Variants in FAM171B observed in about 807,000 individuals in gnomAD.
The protein encoded by FAM171B is protein FAM171B.
In FAM171B, 19 loss-of-function variants were observed where a neutral mutation model predicts 75.6. That is an observed-to-expected ratio of 0.25 (90% CI 0.18 to 0.37). FAM171B has a LOEUF of 0.37. Among genes scored for constraint, FAM171B ranks in the 10% least tolerant of loss-of-function variants. The pLI is 1.00. For synonymous variants in FAM171B, 367 were observed against 361.7 expected (o/e 1.01, Z -0.17); for missense variants, 848 against 982.4 (o/e 0.86, Z 1.83).
chr2:186,739,434 C>A (rs1441858082), intron 1 of FAM171B, among the ~76,000 whole-genome samples: 2 of 152,074 alleles, frequency 1.3e-5, no homozygotes, highest in African/African-American at 4.8e-5. Flanking sequence ...TACAACTGTA[C>A]AAATTTTTTT....
chr2:186,732,596 A>G (rs1333532328), intron 1 of FAM171B, among the ~76,000 whole-genome samples: 1 of 152,244 alleles, frequency 6.6e-6, no homozygotes, highest in African/African-American at 2.4e-5. Context: ...TCAAGCAGGC[A>G]ACTTGAGATT....
At chr2:186,727,907 T>C (rs1320380520) in intron 1 of FAM171B, among the ~76,000 whole-genome samples, 2 of 152,142 alleles carry the variant, frequency 1.3e-5, no homozygotes, top group African/African-American at 4.8e-5. Context: ...TTTACAGGTA[T>C]ACCTACCTCT....
Position 186,754,057 on chromosome 2 carries a change from A to G in FAM171B, c.1012+8A>G. The stretch of plus-strand genomic sequence containing the variant: ...CACTTCCAGGAACTAGAGGTATTGT[A>G]AAAAATGAAAGTAATTAAAACATGT... On this transcript the variant is annotated splice_region_variant and intron_variant, in intron 6 of 7. Transcript: ENST00000304698. 6.4e-7 allele frequency: 1 copy of G among 1,569,922 alleles called. No individual in the cohort carries two copies. The highest frequency in any genetic ancestry group is 8.7e-7 in the Non-Finnish European group (1 of 1,155,506).
At chr2:186,736,567 G>GGGA (rs1690204173) in intron 1 of FAM171B, among the ~76,000 whole-genome samples, 1,512 of 104,584 alleles carry the variant, frequency 0.014, 26 homozygotes, top group African/African-American at 0.041. Context: ...TGTGTGTGTG[G>GGGA]GAGAGAGAGA....
rs551215377 is a variant in FAM171B, at chr2:186,752,682, G to T, written c.896-1251G>T. ...GTACCTTTCAGTGACAACATTTTTT[G>T]AATTGATTTATCACTGATGTAACAC... On this transcript the variant is annotated intron_variant, in intron 5 of 7. Coordinates refer to ENST00000304698, the MANE Select transcript of FAM171B (RefSeq NM_177454.4). Among the ~76,000 whole-genome samples the T allele has an allele frequency of 5.9e-5, 9 of 152,262 alleles. No individual in the cohort carries two copies. The South Asian group carries it at 1.9e-3, about 32-fold the overall frequency.
intron 1 of FAM171B, among the ~76,000 whole-genome samples, chr2:186,723,809 T>C (rs189281588): frequency 3.7e-4 from 56 of 152,332 alleles, no homozygotes; most frequent in African/African-American, 1.3e-3. Flanking sequence ...TTCAAGGCCG[T>C]CTACCTCATT....
chr2:186,759,783 G>A (rs1469393176), intron 6 of FAM171B, among the ~76,000 whole-genome samples: 2 of 151,816 alleles, frequency 1.3e-5, no homozygotes, highest in African/African-American at 2.4e-5. Context: ...TGTTTGCTTT[G>A]CTCTACAGAA....
Position 186,751,191 on chromosome 2 carries a change from G to A in FAM171B, c.782G>A (p.Gly261Glu). Residue 261 changes from glycine (G) to glutamate (E), a missense_variant, in exon 5 of 8, where the codon GGA (glycine) becomes GAA (glutamate). Around this residue, in one of 3 missense-constraint regions of FAM171B, gnomAD observed 665 missense variants for 729.0 expected, o/e 0.91. Transcript: ENST00000304698. ...LAAICVKIYS[G>E]GKELKVNGSI... ...GCAATATGTGTGAAAATATATTCTGGAGGAAAAGAACTAAAGGTCAATGGC... is the reference window on the plus strand; with the variant it reads ...GCAATATGTGTGAAAATATATTCTGAAGGAAAAGAACTAAAGGTCAATGGC... The A allele has an allele frequency of 6.2e-7, 1 of 1,611,124 alleles. No homozygotes were observed. Among genetic ancestry groups the A allele is most frequent in the Middle Eastern group, 1.7e-4 (1 of 6,052 alleles).
At chr2:186,697,268 G>A (rs1157281146) in intron 1 of FAM171B, among the ~76,000 whole-genome samples, 1 of 152,070 alleles carries the variant, frequency 6.6e-6, no homozygotes, top group African/African-American at 2.4e-5. Flanking sequence ...CCTACTTATT[G>A]GGTTTTGTGA....
At chr2:186,759,043 T>A (rs1690576433) in intron 6 of FAM171B, among the ~76,000 whole-genome samples, 1 of 152,102 alleles carries the variant, frequency 6.6e-6, no homozygotes, top group Non-Finnish European at 1.5e-5. Flanking sequence ...AATGAGAACA[T>A]GCAAAGTCTG....
chr2:186,732,824 A>G (rs948708166), intron 1 of FAM171B, among the ~76,000 whole-genome samples: 9 of 152,206 alleles, frequency 5.9e-5, no homozygotes, highest in Non-Finnish European at 8.8e-5. Flanking sequence ...GAGGAAGGTC[A>G]TATTTCAGTT....
chr2:186,716,911 A>G (rs1020036652), intron 1 of FAM171B, among the ~76,000 whole-genome samples: 4 of 152,186 alleles, frequency 2.6e-5, no homozygotes, highest in African/African-American at 9.7e-5. Flanking sequence ...TGTTCTAAGC[A>G]CATTGAGTAT....
chr2:186,738,849 A>G (rs1326069913), intron 1 of FAM171B, among the ~76,000 whole-genome samples: 1 of 152,200 alleles, frequency 6.6e-6, no homozygotes, highest in East Asian at 1.9e-4. Flanking sequence ...TTAATAACAA[A>G]TACAGCCATG....
At chr2:186,745,153 A>G (rs894581274) in intron 3 of FAM171B, among the ~76,000 whole-genome samples, 3 of 152,178 alleles carry the variant, frequency 2.0e-5, no homozygotes, top group African/African-American at 7.2e-5. Context: ...TTTGCTGTGT[A>G]TGGCAGAATG....
intron 1 of FAM171B, among the ~76,000 whole-genome samples, chr2:186,723,280 T>G (rs562379496): frequency 9.2e-5 from 14 of 152,348 alleles, no homozygotes; most frequent in African/African-American, 3.1e-4. Context: ...GTCTCTCTCA[T>G]ATAGTTTTAT....
intron 1 of FAM171B, among the ~76,000 whole-genome samples, chr2:186,725,343 C>CA (rs35999085): frequency 0.54 from 68,661 of 126,680 alleles, 17,272 homozygotes; most frequent in Middle Eastern, 0.63. Context: ...GACTCTGTCT[C>CA]AAAAAAAAAA....
At chr2:186,744,668 A>C (rs2442316) in intron 3 of FAM171B, among the ~76,000 whole-genome samples, 141,095 of 151,996 alleles carry the variant, frequency 0.93, 66,090 homozygotes, top group Non-Finnish European at 1. Context: ...GCTGGGATTA[A>C]AGGCATGTGC....
Position 186,737,255 on chromosome 2 carries a change from C to A in FAM171B, c.239-2973C>A, listed in dbSNP as rs1353974462. Among the ~76,000 whole-genome samples, 4 of 152,232 alleles carry A rather than the reference C, an allele frequency of 2.6e-5. No individual in the cohort carries two copies. The East Asian group carries it at 7.7e-4, about 29-fold the overall frequency. Reference sequence around the variant, plus strand: ...ACTTTCATGGTGGTACAAGCTCTTTCTTAGGCAGACGTTATCAAGATCTGT... The same window carrying A: ...ACTTTCATGGTGGTACAAGCTCTTTATTAGGCAGACGTTATCAAGATCTGT... On this transcript the variant is annotated intron_variant, in intron 1 of 7. Transcript: ENST00000304698.
intron 1 of FAM171B, among the ~76,000 whole-genome samples, chr2:186,718,455 A>T (rs1186307726): frequency 1.3e-5 from 2 of 151,962 alleles, no homozygotes; most frequent in African/African-American, 4.8e-5. Flanking sequence ...TTTCAAATCT[A>T]CTCTTTCAAA....
Sources: allele counts gnomAD v4.1 joint callset (sites outside exome capture counted in the v4.1 genomes callset), GRCh38; gene constraint gnomAD v4.1.1; regional missense constraint gnomAD v4.1.1; transcripts MANE v1.5; gene names NCBI Gene and HGNC (gene_info 2026-07-23, HGNC 2026-07-21).